Variants in RBMS3 observed in about 807,000 individuals in gnomAD.
RBMS3 encodes the protein RNA-binding motif, single-stranded-interacting protein 3.
In RBMS3, 27 loss-of-function variants were observed where a neutral mutation model predicts 66.8. That is an observed-to-expected ratio of 0.40 (90% confidence interval 0.30 to 0.56). The LOEUF (loss-of-function observed/expected upper bound fraction) is 0.56. Among genes scored for constraint, RBMS3 ranks in the 20% least tolerant of loss-of-function variants. RBMS3 has a pLI of 0.40. For missense variants in RBMS3, 513 were observed against 549.5 expected (o/e 0.93, Z 0.66); for synonymous variants, 188 against 183.0 (o/e 1.03, Z -0.22).
chr3:29,756,891 A>G (rs1402021841), intron 5 of RBMS3, among the ~76,000 whole-genome samples: 6 of 152,178 alleles, frequency 3.9e-5, no homozygotes, highest in Non-Finnish European at 8.8e-5. Flanking sequence ...CTCTGGGCTC[A>G]CTACCCTCCT....
At chr3:29,314,325 G>A (rs181201884) in intron 1 of RBMS3, among the ~76,000 whole-genome samples, 1 of 151,754 alleles carries the variant, frequency 6.6e-6, no homozygotes, top group East Asian at 2.0e-4. Flanking sequence ...CATGTATTAT[G>A]GGATTGAATA....
intron 6 of RBMS3, among the ~76,000 whole-genome samples, chr3:29,799,722 A>G (rs1193864230): frequency 2.0e-5 from 3 of 152,194 alleles, no homozygotes; most frequent in Admixed American, 6.5e-5. Flanking sequence ...AGTCATTTAC[A>G]TATAAAATGT....
chr3:29,569,266 G>T (rs2046853437), intron 3 of RBMS3, among the ~76,000 whole-genome samples: 1 of 152,070 alleles, frequency 6.6e-6, no homozygotes, highest in South Asian at 2.1e-4. Context: ...ATCCTGAAAT[G>T]CTGTTTTCCT....
intron 4 of RBMS3, among the ~76,000 whole-genome samples, chr3:29,669,082 C>T (rs1170361115): frequency 3.3e-5 from 5 of 152,194 alleles, no homozygotes; most frequent in African/African-American, 1.2e-4. Context: ...AGGTGCCCCA[C>T]GCCCTCTGGG....
chr3:29,307,964 A>G (rs1575512033), intron 1 of RBMS3, among the ~76,000 whole-genome samples: 4 of 151,950 alleles, frequency 2.6e-5, no homozygotes, highest in Admixed American at 2.6e-4. Flanking sequence ...TAAATTACAT[A>G]AATCAAGAAA....
intron 3 of RBMS3, among the ~76,000 whole-genome samples, chr3:29,556,845 T>A (rs1181060537): frequency 6.6e-6 from 1 of 152,160 alleles, no homozygotes; most frequent in African/African-American, 2.4e-5. Flanking sequence ...AAGCATCTCT[T>A]TCTTTCCCAG....
intron 10 of RBMS3, among the ~76,000 whole-genome samples, chr3:29,932,783 T>C (rs1303310297): frequency 6.6e-6 from 1 of 152,196 alleles, no homozygotes; most frequent in Admixed American, 6.5e-5. Context: ...ACACAGATGC[T>C]TTTCTGGCCT....
chr3:29,768,388 A>G (rs921468827), intron 6 of RBMS3, among the ~76,000 whole-genome samples: 10 of 151,922 alleles, frequency 6.6e-5, no homozygotes, highest in African/African-American at 2.2e-4. Flanking sequence ...TTAGATATAT[A>G]AGACAGAGAG....
intron 4 of RBMS3, among the ~76,000 whole-genome samples, chr3:29,713,966 G>C (rs971368192): frequency 1.3e-5 from 2 of 151,996 alleles, no homozygotes; most frequent in African/African-American, 4.8e-5. Flanking sequence ...GAGGTGGAAG[G>C]ATTGCTTAAA....
At chr3:29,598,744 CAG>C (rs1395262029) in intron 4 of RBMS3, among the ~76,000 whole-genome samples, 1 of 152,008 alleles carries the variant, frequency 6.6e-6, no homozygotes, top group African/African-American at 2.4e-5. Flanking sequence ...GCCATCAGAT[CAG>C]AGTCTCTAAG....
intron 1 of RBMS3, among the ~76,000 whole-genome samples, chr3:29,378,201 G>A (rs1575658472): frequency 2.0e-5 from 3 of 152,102 alleles, no homozygotes; most frequent in Admixed American, 2.0e-4. Flanking sequence ...GGCCGGGCAC[G>A]GTGGCTCACG....
In RBMS3 at chr3:29,456,776, T is replaced by C. The variant is rs77585314; in HGVS notation, c.248+21861T>C. Among the ~76,000 whole-genome samples, 358 of 152,204 alleles carry C rather than the reference T, an allele frequency of 2.4e-3. 12 individuals carry two copies. In the East Asian group the frequency reaches 0.063, roughly 27 times the overall value. On this transcript the variant is annotated intron_variant, in intron 2 of 14. Transcript: ENST00000383767. ...AAGTGTGTTCAATGTAAAAATCAAG[T>C]GTTTGCATGTGAGGGTGATATAAGA...
At chr3:29,987,493 C>A (rs1460611027) in intron 12 of RBMS3, among the ~76,000 whole-genome samples, 2 of 151,980 alleles carry the variant, frequency 1.3e-5, no homozygotes, top group Admixed American at 6.6e-5. Flanking sequence ...TAAGAAAAAT[C>A]TGGTGAATTA....
chr3:29,808,426 A>T (rs918056584), intron 6 of RBMS3, among the ~76,000 whole-genome samples: 4 of 152,016 alleles, frequency 2.6e-5, no homozygotes. Context: ...CTCACCTTCT[A>T]AAGCCAAGTG....
intron 4 of RBMS3, among the ~76,000 whole-genome samples, chr3:29,670,311 G>C (rs886876068): frequency 1.3e-5 from 2 of 152,102 alleles, no homozygotes; most frequent in African/African-American, 4.8e-5. Flanking sequence ...AATAGGAAGA[G>C]CTCCAGTCTA....
At chr3:29,993,135 A>G (rs1698991721) in intron 14 of RBMS3, among the ~76,000 whole-genome samples, 1 of 149,398 alleles carries the variant, frequency 6.7e-6, no homozygotes, top group Admixed American at 6.6e-5. Context: ...AATGTAAGGT[A>G]TTATTATGAT....
chr3:29,519,474 A>G (rs1386988336), intron 3 of RBMS3, among the ~76,000 whole-genome samples: 1 of 152,226 alleles, frequency 6.6e-6, no homozygotes, highest in African/African-American at 2.4e-5. Context: ...AGCAAAAAAT[A>G]GAAAGGTCAC....
chr3:29,943,253 G>C (rs1363341635), intron 11 of RBMS3, among the ~76,000 whole-genome samples: 3 of 151,790 alleles, frequency 2.0e-5, no homozygotes, highest in African/African-American at 7.3e-5. Context: ...CACACAAGAG[G>C]ACCTATTTAA....
At chr3:29,877,172 C>G (rs1038694658) in intron 7 of RBMS3, among the ~76,000 whole-genome samples, 9 of 152,170 alleles carry the variant, frequency 5.9e-5, no homozygotes, top group East Asian at 1.9e-4. Context: ...GACTTTGAGA[C>G]AAACATTTGG....
Sources: gnomAD v4.1 joint callset for allele counts (sites outside exome capture counted in the v4.1 genomes callset) on GRCh38, gnomAD v4.1.1 for gene constraint, MANE v1.5 for transcripts, NCBI Gene and HGNC (gene_info 2026-07-23, HGNC 2026-07-21) for gene names.